TAS2R1: variants seen among roughly 807,000 people sequenced by gnomAD.
The protein encoded by TAS2R1 is taste 2 receptor member 1.
For synonymous variants in TAS2R1, 141 were observed against 134.2 expected, an observed-to-expected ratio of 1.05 and a Z score of -0.35; for missense variants, 370 against 353.4, an observed-to-expected ratio of 1.05 and a Z score of -0.38.
chr5:9,724,011 G>A, the TAS2R1 span, among the ~76,000 whole-genome samples: 4 of 152,234 alleles, frequency 2.6e-5, no homozygotes, highest in Non-Finnish European at 5.9e-5. Context: ...CTGTTGGGAT[G>A]TGGGGATGTA....
At chr5:9,820,528 T>C in the TAS2R1 span, among the ~76,000 whole-genome samples, 6 of 152,204 alleles carry the variant, frequency 3.9e-5, no homozygotes, top group Admixed American at 3.9e-4. Flanking sequence ...ACCAAGATTA[T>C]ATAATCCTTT....
the TAS2R1 span, among the ~76,000 whole-genome samples, chr5:9,901,585 A>T: frequency 6.6e-6 from 1 of 152,188 alleles, no homozygotes; most frequent in East Asian, 1.9e-4. Flanking sequence ...AAAGCTTTGT[A>T]AAAGGAAGTG....
chr5:9,669,880 A>C (rs2126501844), intron 1 of TAS2R1, among the ~76,000 whole-genome samples: 1 of 152,076 alleles, frequency 6.6e-6, no homozygotes, highest in Middle Eastern at 3.4e-3. Flanking sequence ...CCACCCCCAA[A>C]CCTGGTTTTG....
At chr5:9,859,282 C>T in the TAS2R1 span, among the ~76,000 whole-genome samples, 1 of 152,054 alleles carries the variant, frequency 6.6e-6, no homozygotes, top group African/African-American at 2.4e-5. Flanking sequence ...ACGAAAGAAA[C>T]CAAATGAAAG....
chr5:9,902,107 T>C, the TAS2R1 span, among the ~76,000 whole-genome samples: 3 of 152,238 alleles, frequency 2.0e-5, no homozygotes, highest in Non-Finnish European at 2.9e-5. Flanking sequence ...GCCAGTCTTT[T>C]ATCCCCTATT....
the TAS2R1 span, among the ~76,000 whole-genome samples, chr5:9,894,710 G>A: frequency 1.3e-5 from 2 of 152,230 alleles, no homozygotes; most frequent in Non-Finnish European, 2.9e-5. Flanking sequence ...GCTAAGGAAG[G>A]CTATAAACAG....
At chr5:9,670,969 G>A (rs185223) in intron 1 of TAS2R1, among the ~76,000 whole-genome samples, 57,316 of 151,942 alleles carry the variant, frequency 0.38, 11,405 homozygotes, top group Non-Finnish European at 0.45. Flanking sequence ...TATTCCTGGG[G>A]TGCAAGGTTG....
At chr5:9,817,272 G>A in the TAS2R1 span, among the ~76,000 whole-genome samples, 1 of 152,150 alleles carries the variant, frequency 6.6e-6, no homozygotes, top group Non-Finnish European at 1.5e-5. Flanking sequence ...ATAGAGATGG[G>A]AATGAGATTA....
the TAS2R1 span, chr5:9,902,662 A>T: frequency 6.6e-6 from 1 of 152,108 alleles, no homozygotes; most frequent in Non-Finnish European, 1.5e-5. Flanking sequence ...TGGAGCAGAA[A>T]TCCATGAGCA....
At chr5:9,648,606 G>A (rs1169951771) in intron 2 of TAS2R1, among the ~76,000 whole-genome samples, 1 of 151,576 alleles carries the variant, frequency 6.6e-6, no homozygotes, top group East Asian at 2.0e-4. Context: ...TAGCAGCAAG[G>A]AATGATACTT....
At chr5:9,693,390 G>A (rs1010171752) in intron 1 of TAS2R1, among the ~76,000 whole-genome samples, 13 of 151,720 alleles carry the variant, frequency 8.6e-5, no homozygotes, top group Non-Finnish European at 1.6e-4. Context: ...CAGACATGGC[G>A]GCACATGCCT....
the TAS2R1 span, among the ~76,000 whole-genome samples, chr5:9,752,790 C>T: frequency 2.5e-4 from 37 of 148,842 alleles, no homozygotes; most frequent in African/African-American, 8.2e-4. Flanking sequence ...TGAGTGAGAA[C>T]ATGCGGTGTT....
chr5:9,671,852 A>T (rs372671927), intron 1 of TAS2R1, among the ~76,000 whole-genome samples: 11 of 151,952 alleles, frequency 7.2e-5, no homozygotes, highest in East Asian at 3.9e-4. Flanking sequence ...TAAGCAAAAA[A>T]AATAATAATA....
the TAS2R1 span, among the ~76,000 whole-genome samples, chr5:9,898,291 G>A: frequency 6.6e-6 from 1 of 152,094 alleles, no homozygotes; most frequent in African/African-American, 2.4e-5. Flanking sequence ...ATACAAAGGG[G>A]CCCAGATTTT....
chr5:9,709,020 T>C (rs868515678), intron 1 of TAS2R1, among the ~76,000 whole-genome samples: 13 of 152,120 alleles, frequency 8.5e-5, no homozygotes, highest in Admixed American at 2.6e-4. Flanking sequence ...AGTGCCTTTA[T>C]CCTTTAGCTC....
chr5:9,632,242 T>C (rs1739885299), upstream of TAS2R1, among the ~76,000 whole-genome samples: 1 of 152,222 alleles, frequency 6.6e-6, no homozygotes, highest in South Asian at 2.1e-4. Flanking sequence ...GCAATAGCAC[T>C]ATGTCTTAAA....
the TAS2R1 span, among the ~76,000 whole-genome samples, chr5:9,724,400 C>T: frequency 1.4e-5 from 2 of 147,016 alleles, no homozygotes; most frequent in Admixed American, 6.8e-5. Flanking sequence ...GGTCATTTTC[C>T]CTGTTCTTTT....
rs760833381 is a variant in TAS2R1 at position 9,705,753 on chromosome 5, G to A, written c.-242+6419C>T. 9.2e-5 allele frequency among the ~76,000 whole-genome samples: 14 copies of A among 152,108 alleles called. No homozygotes were observed. The South Asian group carries it at 1.0e-3, about 11-fold the overall frequency. ...TGCATGTCGGTAATCCCAGCTACTC[G>A]GGAGGCTGAGGCAGGAGAGAATTGC... On this transcript the variant is annotated intron_variant, in intron 1 of 2. Transcript: ENST00000506620.
the TAS2R1 span, chr5:9,765,322 A>T: frequency 2.0e-5 from 3 of 152,200 alleles, no homozygotes; most frequent in African/African-American, 7.2e-5. Context: ...TTAATTGCTT[A>T]TTCCTGAACC....
Sources: gnomAD v4.1 joint callset for allele counts (sites outside exome capture counted in the v4.1 genomes callset) on GRCh38, gnomAD v4.1.1 for gene constraint, MANE v1.5 for transcripts, NCBI Gene and HGNC (gene_info 2026-07-23, HGNC 2026-07-21) for gene names.